The following CREG2 variants were observed in gnomAD, a reference collection of about 807,000 sequenced individuals.
CREG2 encodes the protein protein CREG2.
A neutral mutation model predicts 26.2 loss-of-function variants in CREG2; 24 were observed. The ratio of observed to expected loss-of-function variants is 0.92; its 90% CI spans 0.66 to 1.29. The LOEUF is 1.29. Among genes scored for constraint, CREG2 ranks in the 50% most tolerant of loss-of-function variants. The probability of loss-of-function intolerance (pLI) is 0.00; values close to 1 mark genes in which losing one functional copy is unlikely to be tolerated. For synonymous variants in CREG2, 174 were observed against 169.2 expected (o/e 1.03, Z -0.22); for missense variants, 366 against 398.6 (o/e 0.92, Z 0.70).
chr2:101,387,503 T>A lies in CREG2; in HGVS notation c.-46A>T. ...CCGCCGGGGCCGCCAGCAGCGCTAG[T>A]GCCGGGGAGCCCGGCAGCGCCCCAC... On this transcript the variant is annotated 5_prime_UTR_variant, in exon 1 of 4. Coordinates refer to ENST00000324768, the MANE Select transcript of CREG2 (RefSeq NM_153836.4). This position sits in a 1 kb window ranked among gnomAD's most constrained non-coding sequence, Gnocchi z 4.7. The A allele has an allele frequency of 1.5e-6, 1 of 660,244 alleles. No individual in the cohort carries two copies. The highest frequency in any genetic ancestry group is 2.1e-6 in the Non-Finnish European group (1 of 477,198). The allele number at this position is 660,244 out of a possible 1,614,324, so 40.9% of individuals were successfully genotyped here.
At position 101,348,307 on chromosome 2, in the gene CREG2, T is replaced by C. The variant is rs1330906453; in HGVS notation, c.*2616A>G. 1 of 152,252 alleles carries C rather than the reference T, an allele frequency of 6.6e-6. No individual in the cohort carries two copies. The highest frequency in any genetic ancestry group is 2.4e-5 in the African/African-American group (1 of 41,466). 9.4% of individuals were successfully genotyped at this position (152,252 alleles called of 1,614,324 possible). The stretch of plus-strand genomic sequence containing the variant: ...TGCCTGTGCCTTTCCATGTAACTTT[T>C]AAAATAAGCTTGTATAGGTCTACAA... On this transcript the variant is annotated 3_prime_UTR_variant, in exon 4 of 4. Coordinates refer to ENST00000324768, the MANE Select transcript of CREG2 (RefSeq NM_153836.4).
chr2:101,375,011 C>T (rs758551761), intron 2 of CREG2, among the ~76,000 whole-genome samples: 4 of 152,232 alleles, frequency 2.6e-5, no homozygotes, highest in African/African-American at 4.8e-5. Context: ...CCCTCAGTTA[C>T]TCTGCTTCAC....
chr2:101,379,991 CT>C (rs1338838996), intron 2 of CREG2, among the ~76,000 whole-genome samples: 12 of 151,734 alleles, frequency 7.9e-5, no homozygotes, highest in Non-Finnish European at 1.8e-4. Context: ...ATCTATCTAT[CT>C]ATCTATCTAT....
intron 2 of CREG2, chr2:101,375,684 C>G (rs564670241): frequency 5.1e-6 from 1 of 195,294 alleles, no homozygotes; most frequent in Non-Finnish European, 1.1e-5. Flanking sequence ...GGCATTTCCT[C>G]GGGACCACCC....
At chr2:101,381,035 G>A (rs1376950054) in intron 2 of CREG2, among the ~76,000 whole-genome samples, 1 of 152,200 alleles carries the variant, frequency 6.6e-6, no homozygotes, top group Non-Finnish European at 1.5e-5. Flanking sequence ...AAGCTGAGAG[G>A]AGCAGGTGGC....
In CREG2 at chr2:101,383,677, C is replaced by CAGTT. The variant is rs1442521813; in HGVS notation, c.463_466dup (p.Cys156Ter). 6.2e-7 allele frequency: 1 copy of CAGTT among 1,609,938 alleles called. No homozygotes were observed. Among genetic ancestry groups the CAGTT allele is most frequent in the South Asian group, 1.1e-5 (1 of 90,716 alleles). On this transcript the variant is annotated stop_gained and frameshift_variant, in exon 2 of 4. Coordinates refer to ENST00000324768, the MANE Select transcript of CREG2 (RefSeq NM_153836.4). LOFTEE classifies it high-confidence loss of function. ...GAAGGGGCCATCACTGACGGGCAGG[C>CAGTT]AGTTCCCAAATGGCAGTCCTTGGAT...
At chr2:101,382,540 A>G (rs780096729) in intron 2 of CREG2, 22 of 985,184 alleles carry the variant, frequency 2.2e-5, no homozygotes, top group Non-Finnish European at 2.7e-5. Flanking sequence ...GAGAAAGGAA[A>G]TGTTTCTTTT....
chr2:101,364,989 G>A (rs1036649245), intron 2 of CREG2, among the ~76,000 whole-genome samples: 3 of 152,204 alleles, frequency 2.0e-5, no homozygotes, highest in Admixed American at 6.5e-5. Flanking sequence ...AGCAAGAAGC[G>A]TAGGAGGCGT....
At chr2:101,371,542 C>T (rs1684707094) in intron 2 of CREG2, among the ~76,000 whole-genome samples, 1 of 152,212 alleles carries the variant, frequency 6.6e-6, no homozygotes, top group African/African-American at 2.4e-5. Flanking sequence ...TCTTGCTATT[C>T]TCAGCCCCTC....
rs945082423 is a variant in CREG2 at position 101,350,093 on chromosome 2, T to A, written c.*830A>T. 6.6e-6 allele frequency: 1 copy of A among 152,338 alleles called. No homozygotes were observed. The highest frequency in any genetic ancestry group is 1.5e-5 in the Non-Finnish European group (1 of 68,126). The allele number at this position is 152,338 out of a possible 1,614,324, so 9.4% of individuals were successfully genotyped here. A position where few individuals can be genotyped will look rare whatever the true frequency, so the allele number is the denominator to read the frequency against. On this transcript the variant is annotated 3_prime_UTR_variant, in exon 4 of 4. Transcript: ENST00000324768. ...GGCTTCCTTTCTTCCTTCTGTAACG[T>A]GCTGCCTTTACTTTCCCAGCTTCAC...
At chr2:101,365,686 C>T (rs903934797) in intron 2 of CREG2, among the ~76,000 whole-genome samples, 1 of 152,120 alleles carries the variant, frequency 6.6e-6, no homozygotes, top group African/African-American at 2.4e-5. Flanking sequence ...TTCTTGGCAC[C>T]ATTTTCCTGG....
chr2:101,377,313 A>G (rs1292525553), intron 2 of CREG2, among the ~76,000 whole-genome samples: 1 of 152,108 alleles, frequency 6.6e-6, no homozygotes, highest in Non-Finnish European at 1.5e-5. Context: ...TTTGGGTTTC[A>G]TTTACATCCT....
intron 2 of CREG2, among the ~76,000 whole-genome samples, chr2:101,366,170 A>C (rs1189833735): frequency 6.6e-6 from 1 of 152,130 alleles, no homozygotes; most frequent in Non-Finnish European, 1.5e-5. Flanking sequence ...CTTCCCAACC[A>C]ATATTGCCTG....
At chr2:101,356,078 G>A (rs1289144734) in intron 2 of CREG2, among the ~76,000 whole-genome samples, 1 of 152,140 alleles carries the variant, frequency 6.6e-6, no homozygotes, top group African/African-American at 2.4e-5. Context: ...AAAGGGGCTG[G>A]TGCAGGAAGG....
rs1254539606 is a variant in CREG2, at chr2:101,345,682, T to C, written c.*5241A>G. On this transcript the variant is annotated 3_prime_UTR_variant, in exon 4 of 4. Transcript: ENST00000324768. ...TTACATGGCACAAATAATCACATCA[T>C]TACAATTCAAATTGTACAATAATTG... 1.3e-5 allele frequency: 2 copies of C among 152,210 alleles called. No homozygotes were observed. Among genetic ancestry groups the C allele is most frequent in the African/African-American group, 4.8e-5 (2 of 41,442 alleles). The allele number at this position is 152,210 out of a possible 1,614,324, so 9.4% of individuals were successfully genotyped here. A position where few individuals can be genotyped will look rare whatever the true frequency, so the allele number is the denominator to read the frequency against.
chr2:101,352,325 T>C (rs981262652), intron 3 of CREG2, among the ~76,000 whole-genome samples: 2 of 152,272 alleles, frequency 1.3e-5, no homozygotes, highest in Non-Finnish European at 2.9e-5. Flanking sequence ...CCAAATATTA[T>C]GCAGCCAAGA....
chr2:101,371,912 C>G (rs1684713449), intron 2 of CREG2, among the ~76,000 whole-genome samples: 1 of 152,056 alleles, frequency 6.6e-6, no homozygotes, highest in Admixed American at 6.6e-5. Context: ...TGAGGGAACT[C>G]TAGTCCGTAG....
At chr2:101,365,976 A>G (rs1684611699) in intron 2 of CREG2, among the ~76,000 whole-genome samples, 1 of 152,252 alleles carries the variant, frequency 6.6e-6, no homozygotes, top group African/African-American at 2.4e-5. Flanking sequence ...AATTAGATAT[A>G]AGAGAAATAA....
At chr2:101,366,552 G>A (rs1163053482) in intron 2 of CREG2, among the ~76,000 whole-genome samples, 2 of 152,214 alleles carry the variant, frequency 1.3e-5, no homozygotes, top group African/African-American at 2.4e-5. Flanking sequence ...GCCAGGCGCA[G>A]TGGCTCATGC....
Sources: allele counts gnomAD v4.1 joint callset (sites outside exome capture counted in the v4.1 genomes callset), GRCh38; gene constraint gnomAD v4.1.1; non-coding constraint Gnocchi (gnomAD v3.1); transcripts MANE v1.5; gene names NCBI Gene and HGNC (gene_info 2026-07-23, HGNC 2026-07-21).